BDH1: variants seen among roughly 807,000 people sequenced by gnomAD.
BDH1 encodes the protein D-beta-hydroxybutyrate dehydrogenase, mitochondrial.
BDH1 carries 30 observed loss-of-function variants against 33.1 expected under a neutral mutation model. The observed-to-expected ratio is 0.91, with a 90% CI of 0.68 to 1.23. The LOEUF is 1.23. Ranked by LOEUF, BDH1 falls within the 50% of genes most tolerant of loss-of-function variation. BDH1 has a pLI of 0.00. For missense variants in BDH1, 443 were observed against 464.4 expected, an observed-to-expected ratio of 0.95 and a Z score of 0.42; for synonymous variants, 190 against 183.6, an observed-to-expected ratio of 1.03 and a Z score of -0.28.
Position 197,526,968 on chromosome 3 carries a change from CA to C in BDH1, c.268-4188del, listed in dbSNP as rs1241010877. On this transcript the variant is annotated intron_variant, in intron 5 of 7. Coordinates refer to ENST00000392379, the MANE Select transcript of BDH1 (RefSeq NM_203314.3). This position sits in a 1 kb window ranked among gnomAD's most constrained non-coding sequence, Gnocchi z 4.7. ...TTACTTGCCATCAGAGGGAAAATAT[CA>C]GCACACTAACAACTCTTTCCAGTCG... Among the ~76,000 whole-genome samples, 2 of 152,172 alleles carry C rather than the reference CA, an allele frequency of 1.3e-5. No individual in the cohort carries two copies. The highest frequency in any genetic ancestry group is 6.5e-5 in the Admixed American group (1 of 15,282).
At position 197,525,532 on chromosome 3, in the gene BDH1, G is replaced by T. The variant is rs1398615792; in HGVS notation, c.268-2751C>A. Among the ~76,000 whole-genome samples the T allele has an allele frequency of 6.6e-6, 1 of 152,188 alleles. No individual in the cohort carries two copies. On this transcript the variant is annotated intron_variant, in intron 5 of 7. Transcript: ENST00000392379. This position sits in a 1 kb window ranked among gnomAD's most constrained non-coding sequence, Gnocchi z 4.9. ...GACAGTGAAGAGTCTTCTTTCAGAGGAAACTAGGGGATTAATCTCACTGCC... is the reference window on the plus strand; with the variant it reads ...GACAGTGAAGAGTCTTCTTTCAGAGTAAACTAGGGGATTAATCTCACTGCC...
At chr3:197,517,174 C>T (rs1422144267) in intron 6 of BDH1, among the ~76,000 whole-genome samples, 2 of 151,928 alleles carry the variant, frequency 1.3e-5, no homozygotes, top group East Asian at 1.9e-4. Context: ...CCTCCACCTC[C>T]GTCTTCACCC....
chr3:197,559,112 C>T (rs975761201), upstream of BDH1, among the ~76,000 whole-genome samples: 2 of 151,608 alleles, frequency 1.3e-5, no homozygotes, highest in Admixed American at 6.6e-5. Flanking sequence ...AAGCGATTCT[C>T]CTGCCTTAGC....
chr3:197,533,490 G>A lies in BDH1; in HGVS notation c.155C>T (p.Pro52Leu), dbSNP rs533685138. 83 of 1,614,214 alleles carry A rather than the reference G, an allele frequency of 5.1e-5. No individual in the cohort carries two copies. The highest frequency in any genetic ancestry group is 4.0e-4 in the East Asian group (18 of 44,886). ...CCGGGTAGCTGGGCTTCCACTCACC[G>A]GCTCCGCCGCACTGGCATAAGTCCG... is the stretch of plus-strand genomic sequence containing the variant. ...GRRTYASAAE[P>L]VGSKAVLVTG... Residue 52 changes from proline (P) to leucine (L), a missense_variant and splice_region_variant, in exon 4 of 8, where the codon CCG (proline) becomes CTG (leucine). Coordinates refer to ENST00000392379, the MANE Select transcript of BDH1 (RefSeq NM_203314.3).
upstream of BDH1, among the ~76,000 whole-genome samples, chr3:197,557,056 A>C (rs926151107): frequency 4.6e-5 from 7 of 152,260 alleles, no homozygotes; most frequent in African/African-American, 1.7e-4. The surrounding 1 kb of genome is among the most constrained non-coding windows in gnomAD (Gnocchi z 4.6). Context: ...GAGGCTCATC[A>C]GAAACTCGAA....
At position 197,521,105 on chromosome 3, in the gene BDH1, C is replaced by T. The variant is rs75891914; in HGVS notation, c.409+1535G>A. Reference sequence around the variant, plus strand: ...TGGTCACTCCTGCCTTTTCCGCCTCCTTCCCCAGCCACTGAAGTAGCTGCT... The same window carrying T: ...TGGTCACTCCTGCCTTTTCCGCCTCTTTCCCCAGCCACTGAAGTAGCTGCT... On this transcript the variant is annotated intron_variant, in intron 6 of 7. Transcript: ENST00000392379. The surrounding 1 kb of genome is among the most constrained non-coding windows in gnomAD (Gnocchi z 4.9). Among the ~76,000 whole-genome samples the T allele has an allele frequency of 0.022, 3,308 of 152,320 alleles. 52 individuals carry two copies. The highest frequency in any genetic ancestry group is 0.03 in the Non-Finnish European group (2,065 of 68,018).
intron 1 of BDH1, among the ~76,000 whole-genome samples, chr3:197,566,410 C>T (rs183211720): frequency 6.6e-6 from 1 of 152,146 alleles, no homozygotes; most frequent in Admixed American, 6.5e-5. Context: ...GGCCCAGGAG[C>T]CCCAAGTTTA....
rs1296792156 is a variant in BDH1, at chr3:197,510,600, GTGTGTGTGTGTGTGTGT to G, written c.*1278_*1294del. 1.1e-4 allele frequency: 2 copies of G among 18,034 alleles called. No homozygotes were observed. Among genetic ancestry groups the G allele is most frequent in the Admixed American group, 8.3e-4 (2 of 2,404 alleles). The allele number at this position is 18,034 out of a possible 1,614,324, so 1.1% of individuals were successfully genotyped here. On this transcript the variant is annotated 3_prime_UTR_variant, in exon 8 of 8. Transcript: ENST00000392379. The stretch of plus-strand genomic sequence containing the variant: ...CACGCTGAAGCCCTGCAGAACAGGG[GTGTGTGTGTGTGTGTGT>G]GTGTGTGTGTGTGTGTGTGTGTGTG...
intron 1 of BDH1, among the ~76,000 whole-genome samples, chr3:197,562,480 G>A (rs545807664): frequency 8.5e-5 from 13 of 152,332 alleles, no homozygotes; most frequent in South Asian, 4.1e-4. Context: ...TCGTGGGAGC[G>A]TCTGGGGAGT....
intron 3 of BDH1, chr3:197,534,127 C>T (rs1158263656): frequency 6.6e-6 from 1 of 152,306 alleles, no homozygotes; most frequent in Non-Finnish European, 1.5e-5. Flanking sequence ...TCTTGCAAAA[C>T]TGTATTACCA....
chr3:197,568,507 G>A (rs1209260946), intron 1 of BDH1, among the ~76,000 whole-genome samples: 1 of 152,106 alleles, frequency 6.6e-6, no homozygotes, highest in Non-Finnish European at 1.5e-5. Context: ...GTGGATGAAT[G>A]AGAACTGGAG....
At position 197,512,023 on chromosome 3, in the gene BDH1, C is replaced by T. The variant is rs758109338; in HGVS notation, c.904G>A (p.Val302Ile). ...GTGGTGGCGGTCAGGGCGTGTGTGA[C>T]AGCATCGATGACAGGGGACGTGTCT... ...STDTSPVIDAVTHALTATTPY... is the reference protein window; with the variant it reads ...STDTSPVIDAITHALTATTPY... Residue 302 changes from valine (V) to isoleucine (I), a missense_variant, in exon 8 of 8, where the codon GTC (valine) becomes ATC (isoleucine). By Grantham distance (29) the Val-to-Ile change is conservative. Coordinates refer to ENST00000392379, the MANE Select transcript of BDH1 (RefSeq NM_203314.3). The T allele has an allele frequency of 1.9e-6, 3 of 1,613,944 alleles. No homozygotes were observed. Among genetic ancestry groups the T allele is most frequent in the Middle Eastern group, 1.6e-4 (1 of 6,084 alleles).
chr3:197,533,461 G>GTCAGAACTGGTCAGCTA (rs1231895074), intron 4 of BDH1, 28 bp downstream of exon 4: 14 of 1,610,622 alleles, frequency 8.7e-6, no homozygotes, highest in Non-Finnish European at 1.1e-5. Flanking sequence ...CATCCAACTG[G>GTCAGAACTGGTCAGCTA]CTCCCGGGTA....
intron 7 of BDH1, among the ~76,000 whole-genome samples, chr3:197,512,825 G>A (rs907250074): frequency 2.6e-5 from 4 of 152,162 alleles, no homozygotes; most frequent in African/African-American, 7.2e-5. Context: ...CCAGTAGTAC[G>A]ACGTGCAGAT....
At chr3:197,562,145 T>C (rs1717282230) in intron 1 of BDH1, among the ~76,000 whole-genome samples, 1 of 152,214 alleles carries the variant, frequency 6.6e-6, no homozygotes, top group Non-Finnish European at 1.5e-5. Context: ...CCTTGGAGCA[T>C]GTAATGGCAG....
chr3:197,540,899 C>G (rs997910495), intron 3 of BDH1, among the ~76,000 whole-genome samples: 1 of 152,172 alleles, frequency 6.6e-6, no homozygotes, highest in Non-Finnish European at 1.5e-5. Flanking sequence ...TCACCTGCCC[C>G]CCCCACAGCA....
chr3:197,539,319 C>T (rs1357653683), intron 3 of BDH1, among the ~76,000 whole-genome samples: 1 of 152,056 alleles, frequency 6.6e-6, no homozygotes, highest in Non-Finnish European at 1.5e-5. Flanking sequence ...TTTGTATTTT[C>T]AGTAGAGACA....
rs2567370 is a variant in BDH1 at position 197,510,258 on chromosome 3, C to G, written c.*1637G>C. On this transcript the variant is annotated 3_prime_UTR_variant, in exon 8 of 8. Transcript: ENST00000392379. ...CGAACGCCGTGAGAAACCTCAGGCT[C>G]GGGCGGCAGCGCGGGAGTCTGGGGC... 26,789 of 152,362 alleles carry G rather than the reference C, an allele frequency of 0.18. 2,475 individuals carry two copies. The highest frequency in any genetic ancestry group is 0.23 in the South Asian group (1,102 of 4,830). 9.4% of individuals were successfully genotyped at this position (152,362 alleles called of 1,614,324 possible). A position where few individuals can be genotyped will look rare whatever the true frequency, so the allele number is the denominator to read the frequency against.
chr3:197,565,755 G>A (rs1042228138), intron 1 of BDH1, among the ~76,000 whole-genome samples: 1 of 152,118 alleles, frequency 6.6e-6, no homozygotes, highest in African/African-American at 2.4e-5. Flanking sequence ...ACAAACAATT[G>A]TCTTGTTTTG....
Sources: gnomAD v4.1 joint callset for allele counts (sites outside exome capture counted in the v4.1 genomes callset) on GRCh38, gnomAD v4.1.1 for gene constraint, Gnocchi (gnomAD v3.1) non-coding constraint, MANE v1.5 for transcripts, NCBI Gene and HGNC (gene_info 2026-07-23, HGNC 2026-07-21) for gene names.